ATG7: variants seen among roughly 807,000 people sequenced by gnomAD.
ATG7 encodes the protein autophagy related 7, also known as ubiquitin-like modifier-activating enzyme ATG7.
In ATG7, 70 loss-of-function variants were observed where a neutral mutation model predicts 82.4. The ratio of observed to expected loss-of-function variants is 0.85; its 90% confidence interval spans 0.70 to 1.04. The LOEUF is 1.04. Among genes scored for constraint, ATG7 ranks in the 50% least tolerant of loss-of-function variants. The probability of loss-of-function intolerance (pLI) is 0.00; values close to 1 mark genes in which losing one functional copy is unlikely to be tolerated. For synonymous variants in ATG7, 287 were observed against 313.0 expected (o/e 0.92, Z 0.88); for missense variants, 792 against 864.3 (o/e 0.92, Z 1.05).
chr3:11,286,095 C>T (rs1011427037), intron 3 of ATG7, among the ~76,000 whole-genome samples: 10 of 152,178 alleles, frequency 6.6e-5, no homozygotes, highest in Admixed American at 2.0e-4. Flanking sequence ...TATTTTCATC[C>T]AAACACCACA....
rs10666472 is a variant in ATG7 at position 11,372,851 on chromosome 3, C to CGT, written c.1876-7109_1876-7108dup. On this transcript the variant is annotated intron_variant, in intron 18 of 20. Coordinates refer to ENST00000693202, the MANE Select transcript of ATG7 (RefSeq NM_001349232.2). Reference sequence around the variant, plus strand: ...GCGTGTGTGTGCGTGCGTGCGTGTGCGTGTGTGTGTGTGAAATCGGCCATG... The same window carrying CGT: ...GCGTGTGTGTGCGTGCGTGCGTGTGCGTGTGTGTGTGTGTGAAATCGGCCATG... Among the ~76,000 whole-genome samples the CGT allele has an allele frequency of 8.5e-3, 705 of 83,234 alleles. 40 individuals are homozygous for CGT. Among genetic ancestry groups the CGT allele is most frequent in the African/African-American group, 0.019 (641 of 32,926 alleles). The allele number at this position is 83,234 out of a possible 152,430, so 54.6% of individuals were successfully genotyped here. A position where few individuals can be genotyped will look rare whatever the true frequency, so the allele number is the denominator to read the frequency against.
At chr3:11,286,540 GTTTTGTGTTTTTTT>G (rs1944033183) in intron 3 of ATG7, among the ~76,000 whole-genome samples, 1 of 92,336 alleles carries the variant, frequency 1.1e-5, no homozygotes, top group Admixed American at 9.9e-5. Context: ...CCTTGTTTTT[GTTTTGTGTTTTTTT>G]TTTTGTCTTT....
chr3:11,379,280 C>A (rs2077690112), intron 18 of ATG7, among the ~76,000 whole-genome samples: 2 of 151,974 alleles, frequency 1.3e-5, no homozygotes, highest in African/African-American at 4.8e-5. Context: ...CTTAAAGCTC[C>A]CCCTTTGGTG....
chr3:11,465,602 A>G (rs1294573155), intron 20 of ATG7, among the ~76,000 whole-genome samples: 2 of 151,872 alleles, frequency 1.3e-5, no homozygotes, highest in Non-Finnish European at 2.9e-5. Flanking sequence ...AAAAATAATA[A>G]TAAAAAATAA....
intron 20 of ATG7, among the ~76,000 whole-genome samples, chr3:11,541,111 A>G (rs1213022873): frequency 5.9e-5 from 9 of 152,166 alleles, no homozygotes; most frequent in South Asian, 4.1e-4. Flanking sequence ...CATGTTAGCC[A>G]GGATGGTCTC....
At chr3:11,551,599 GTTTTTA>G (rs535701686) in intron 20 of ATG7, among the ~76,000 whole-genome samples, 63 of 152,136 alleles carry the variant, frequency 4.1e-4, no homozygotes, top group Middle Eastern at 6.8e-3. Flanking sequence ...TTTTTTTAAA[GTTTTTA>G]TTTTTATAGA....
intron 4 of ATG7, 95 bp downstream of exon 4, chr3:11,298,950 T>C: frequency 7.3e-7 from 1 of 1,364,028 alleles, no homozygotes; most frequent in Non-Finnish European, 1.0e-6. Flanking sequence ...GACAGCCTTG[T>C]CTTTTATAAT....
At chr3:11,433,018 A>G (rs6442255) in intron 20 of ATG7, among the ~76,000 whole-genome samples, 125,650 of 151,578 alleles carry the variant, frequency 0.83, 52,262 homozygotes, top group East Asian at 1. Context: ...TGGGATGGGT[A>G]CAGTGGCTTA....
chr3:11,504,304 G>T (rs183916518), intron 20 of ATG7, among the ~76,000 whole-genome samples: 6 of 152,224 alleles, frequency 3.9e-5, no homozygotes, highest in Admixed American at 1.3e-4. Flanking sequence ...AAGCCAAACC[G>T]CTCATTGAAT....
At chr3:11,476,929 C>T (rs537861857) in intron 20 of ATG7, among the ~76,000 whole-genome samples, 2 of 152,338 alleles carry the variant, frequency 1.3e-5, no homozygotes, top group East Asian at 1.9e-4. Context: ...TTATGGCCCT[C>T]TTTCCCTTTA....
chr3:11,308,117 C>G (rs1384404743), intron 6 of ATG7, among the ~76,000 whole-genome samples: 1 of 152,154 alleles, frequency 6.6e-6, no homozygotes, highest in East Asian at 1.9e-4. Context: ...CTGGGGGCCT[C>G]TCTTCAGTGG....
At chr3:11,543,214 C>G (rs751863966) in intron 20 of ATG7, among the ~76,000 whole-genome samples, 7 of 152,218 alleles carry the variant, frequency 4.6e-5, no homozygotes, top group Non-Finnish European at 8.8e-5. Context: ...TCTTACCAGC[C>G]GCCTTGGCCA....
chr3:11,411,619 C>CAAAAAAAAAAAAAAAAAAAAAAAAA (rs71055868), intron 19 of ATG7, among the ~76,000 whole-genome samples: 1 of 71,766 alleles, frequency 1.4e-5, no homozygotes, highest in Non-Finnish European at 2.9e-5. Flanking sequence ...ACTCTGTCTC[C>CAAAAAAAAAAAAAAAAAAAAAAAAA]AAAAAAAAAA....
At chr3:11,422,818 A>G (rs1201386394) in intron 19 of ATG7, among the ~76,000 whole-genome samples, 1 of 126,570 alleles carries the variant, frequency 7.9e-6, no homozygotes, top group Non-Finnish European at 1.5e-5. Flanking sequence ...AGTGTGGCGC[A>G]ATCTCAGCTC....
intron 20 of ATG7, among the ~76,000 whole-genome samples, chr3:11,494,163 A>G (rs1211182103): frequency 6.6e-6 from 1 of 152,210 alleles, no homozygotes; most frequent in Non-Finnish European, 1.5e-5. Context: ...GCAAGATGGG[A>G]GATCAGTCTC....
downstream of ATG7, among the ~76,000 whole-genome samples, chr3:11,561,891 CTTTTTTTTTTTTTTT>C (rs35380668): frequency 1.1e-5 from 1 of 88,590 alleles, no homozygotes; most frequent in African/African-American, 4.7e-5. Context: ...CTGCGCCAAA[CTTTTTTTTTTTTTTT>C]TTTTTTTTTT....
At chr3:11,301,277 T>G (rs1946748024) in intron 5 of ATG7, among the ~76,000 whole-genome samples, 1 of 152,160 alleles carries the variant, frequency 6.6e-6, no homozygotes, top group South Asian at 2.1e-4. Context: ...GATGAGGGCC[T>G]TTAAGATTAT....
rs997138171 is a variant in ATG7 at position 11,395,975 on chromosome 3, G to C, written c.1956+15923G>C. Among the ~76,000 whole-genome samples, 15 of 138,360 alleles carry C rather than the reference G, an allele frequency of 1.1e-4. 2 individuals are homozygous for C. The highest frequency in any genetic ancestry group is 5.3e-4 in the Admixed American group (7 of 13,190). The allele number at this position is 138,360 out of a possible 152,430, so 90.8% of individuals were successfully genotyped here. A position where few individuals can be genotyped will look rare whatever the true frequency, so the allele number is the denominator to read the frequency against. Reference sequence around the variant, plus strand: ...AAAAAAAAAAAAAAAAGGTAGGGGGGGAAGAGTAAAAGTGAAGGTATTAAA... The same window carrying C: ...AAAAAAAAAAAAAAAAGGTAGGGGGCGAAGAGTAAAAGTGAAGGTATTAAA... On this transcript the variant is annotated intron_variant, in intron 19 of 20. Coordinates refer to ENST00000693202, the MANE Select transcript of ATG7 (RefSeq NM_001349232.2).
chr3:11,389,188 G>T (rs1001523794), intron 19 of ATG7, among the ~76,000 whole-genome samples: 5 of 141,526 alleles, frequency 3.5e-5, no homozygotes, highest in Middle Eastern at 3.9e-3. Context: ...AGTCGAGATG[G>T]TGCCACTGTG....
Sources: gnomAD v4.1 joint callset for allele counts (sites outside exome capture counted in the v4.1 genomes callset) on GRCh38, gnomAD v4.1.1 for gene constraint, MANE v1.5 for transcripts, NCBI Gene and HGNC (gene_info 2026-07-23, HGNC 2026-07-21) for gene names.